DLG2: variants seen among roughly 807,000 people sequenced by gnomAD.
The protein encoded by DLG2 is disks large homolog 2.
In DLG2, 45 loss-of-function variants were observed where a neutral mutation model predicts 132.5. The observed-to-expected ratio is 0.34, with a 90% CI of 0.27 to 0.44. The LOEUF is 0.44. Ranked by LOEUF, DLG2 falls within the 20% of genes least tolerant of loss-of-function variation. The pLI, the probability that DLG2 is intolerant of heterozygous loss-of-function variation, is 1.00. For synonymous variants in DLG2, 424 were observed against 419.6 expected (o/e 1.01, Z -0.13); for missense variants, 1,045 against 1,196.9 (o/e 0.87, Z 1.87).
At chr11:85,149,247 A>G (rs187074682) in intron 5 of DLG2, among the ~76,000 whole-genome samples, 24 of 152,254 alleles carry the variant, frequency 1.6e-4, no homozygotes, top group African/African-American at 5.1e-4. Flanking sequence ...TTTTGGTTCC[A>G]TATGAAATTT....
intron 19 of DLG2, among the ~76,000 whole-genome samples, chr11:83,546,087 C>T (rs1037812089): frequency 6.6e-6 from 1 of 152,130 alleles, no homozygotes; most frequent in Non-Finnish European, 1.5e-5. Flanking sequence ...ATCCCTCCTA[C>T]CCCTCCTGAA....
intron 11 of DLG2, among the ~76,000 whole-genome samples, chr11:84,058,544 A>G (rs1442846788): frequency 6.7e-6 from 1 of 149,384 alleles, no homozygotes; most frequent in Non-Finnish European, 1.5e-5. Context: ...AATAATAACC[A>G]CATGCACTAG....
At position 85,050,933 on chromosome 11, in the gene DLG2, C is replaced by T. The variant is rs11234272; in HGVS notation, c.357+60728G>A. Among the ~76,000 whole-genome samples the T allele has an allele frequency of 1.4e-4, 21 of 152,162 alleles. No individual in the cohort carries two copies. In the East Asian group the frequency reaches 3.7e-3, roughly 27 times the overall value. ...TAATAGATTTCCCTTTTTCGTCTAG[C>T]TGGGTCTGAGTACCCAGTTAAAGCC... On this transcript the variant is annotated intron_variant, in intron 6 of 27. Coordinates refer to ENST00000376104, the MANE Select transcript of DLG2 (RefSeq NM_001142699.3).
intron 18 of DLG2, among the ~76,000 whole-genome samples, chr11:83,756,096 G>A (rs1255771213): frequency 6.6e-6 from 1 of 151,288 alleles, no homozygotes; most frequent in Non-Finnish European, 1.5e-5. Flanking sequence ...AGAGCCAAAA[G>A]AATAGTTTCC....
At chr11:84,991,065 C>G (rs981694416) in intron 6 of DLG2, among the ~76,000 whole-genome samples, 2 of 152,240 alleles carry the variant, frequency 1.3e-5, no homozygotes, top group East Asian at 1.9e-4. Flanking sequence ...GTACAATCAA[C>G]AAATTACCAG....
intron 6 of DLG2, among the ~76,000 whole-genome samples, chr11:84,674,841 T>C (rs17808069): frequency 0.083 from 12,565 of 152,238 alleles, 671 homozygotes; most frequent in Middle Eastern, 0.13. Context: ...CTTCCTTACA[T>C]GGGCTCATCT....
intron 7 of DLG2, among the ~76,000 whole-genome samples, chr11:84,520,017 C>T (rs530771961): frequency 5.9e-5 from 9 of 152,240 alleles, no homozygotes; most frequent in African/African-American, 2.2e-4. Context: ...AAATACTATT[C>T]AACATTCTCT....
At chr11:84,026,568 A>C (rs998071196) in intron 11 of DLG2, among the ~76,000 whole-genome samples, 8 of 151,946 alleles carry the variant, frequency 5.3e-5, no homozygotes, top group African/African-American at 1.9e-4. Flanking sequence ...CTGTAAAGAC[A>C]CATAATGTTC....
chr11:84,726,279 G>A (rs1036731442), intron 6 of DLG2, among the ~76,000 whole-genome samples: 1 of 151,986 alleles, frequency 6.6e-6, no homozygotes, highest in Non-Finnish European at 1.5e-5. Context: ...CCTACCCCCA[G>A]GCAGGCCCTG....
intron 7 of DLG2, among the ~76,000 whole-genome samples, chr11:84,473,813 A>C (rs768123495): frequency 6.6e-6 from 1 of 152,106 alleles, no homozygotes; most frequent in Admixed American, 6.6e-5. Context: ...CGGAATTAAC[A>C]TAAGTTTTTA....
In DLG2 at chr11:83,652,294, T is replaced by C. The variant is rs75105996; in HGVS notation, c.1826-18969A>G. Among the ~76,000 whole-genome samples the C allele has an allele frequency of 9.6e-3, 1,459 of 152,094 alleles. 27 individuals are homozygous for C. Among genetic ancestry groups the C allele is most frequent in the African/African-American group, 0.034 (1,398 of 41,514 alleles). ...TTGAAAAGGGGGAGAGGAACAACCT[T>C]TGAAAGCTAATTATTCACTTTGAGA... On this transcript the variant is annotated intron_variant, in intron 18 of 27. Transcript: ENST00000376104.
At chr11:85,302,646 T>TAAAAA (rs202166044) in intron 3 of DLG2, among the ~76,000 whole-genome samples, 2 of 105,852 alleles carry the variant, frequency 1.9e-5, no homozygotes, top group Non-Finnish European at 2.1e-5. Context: ...CTTGAAAAGT[T>TAAAAA]AAAAAAAAAA....
Position 84,450,842 on chromosome 11 carries a change from C to T in DLG2, c.519+83728G>A, listed in dbSNP as rs138291727. 8.7e-3 allele frequency among the ~76,000 whole-genome samples: 1,312 copies of T among 151,556 alleles called. 32 individuals are homozygous for T. The highest frequency in any genetic ancestry group is 0.029 in the African/African-American group (1,207 of 41,396). On this transcript the variant is annotated intron_variant, in intron 7 of 27. Coordinates refer to ENST00000376104, the MANE Select transcript of DLG2 (RefSeq NM_001142699.3). ...GCCTGTTTATTCATCATTGTAGCCT[C>T]CGTGCCTAACAACATGCCTGGTGCA...
intron 3 of DLG2, among the ~76,000 whole-genome samples, chr11:85,385,736 A>AT (rs1463047019): frequency 6.6e-6 from 1 of 152,182 alleles, no homozygotes; most frequent in Non-Finnish European, 1.5e-5. Context: ...GCCAGAAGGG[A>AT]TTTTTGAATG....
chr11:85,184,488 G>C (rs2079951034), intron 4 of DLG2, among the ~76,000 whole-genome samples: 1 of 151,688 alleles, frequency 6.6e-6, no homozygotes, highest in Non-Finnish European at 1.5e-5. Flanking sequence ...AGCTTTTGGT[G>C]TGACTATTTC....
At chr11:84,246,143 C>T (rs1213958071) in intron 8 of DLG2, among the ~76,000 whole-genome samples, 3 of 152,222 alleles carry the variant, frequency 2.0e-5, no homozygotes, top group African/African-American at 4.8e-5. Context: ...CCCACTTATT[C>T]GTGGTTTCAC....
intron 7 of DLG2, among the ~76,000 whole-genome samples, chr11:84,277,519 A>G (rs1321132990): frequency 1.3e-5 from 2 of 152,214 alleles, no homozygotes; most frequent in African/African-American, 4.8e-5. Flanking sequence ...TATATTTTGA[A>G]CTGAATGAAC....
intron 19 of DLG2, among the ~76,000 whole-genome samples, chr11:83,549,390 T>C (rs1412604732): frequency 6.6e-6 from 1 of 152,150 alleles, no homozygotes; most frequent in East Asian, 1.9e-4. Flanking sequence ...GTTTTATCTA[T>C]AAAATGAGGT....
chr11:84,255,974 G>A (rs969667492), intron 7 of DLG2, among the ~76,000 whole-genome samples: 1 of 151,870 alleles, frequency 6.6e-6, no homozygotes, highest in African/African-American at 2.4e-5. Context: ...TAATTACAGA[G>A]AAGCAAGAAG....
Sources: gnomAD v4.1 joint callset for allele counts (sites outside exome capture counted in the v4.1 genomes callset) on GRCh38, gnomAD v4.1.1 for gene constraint, MANE v1.5 for transcripts, NCBI Gene and HGNC (gene_info 2026-07-23, HGNC 2026-07-21) for gene names.